The following PLEKHA6 variants were observed in gnomAD, a reference collection of about 807,000 sequenced individuals.
The protein encoded by PLEKHA6 is pleckstrin homology domain containing A6.
Under a neutral mutation model 116.7 loss-of-function variants are expected in PLEKHA6, and 60 were observed. The ratio of observed to expected loss-of-function variants is 0.51; its 90% confidence interval spans 0.42 to 0.64. The LOEUF (loss-of-function observed/expected upper bound fraction) is 0.64, where lower values mean the gene tolerates loss of function less well. Ranked by LOEUF, PLEKHA6 falls within the 30% of genes least tolerant of loss-of-function variation. PLEKHA6 has a pLI of 0.00. For synonymous variants in PLEKHA6, 489 were observed against 556.1 expected (o/e 0.88, Z 1.70); for missense variants, 1,338 against 1,422.7 (o/e 0.94, Z 0.96).
intron 17 of PLEKHA6, among the ~76,000 whole-genome samples, chr1:204,240,533 T>C (rs1662660991): frequency 6.6e-6 from 1 of 152,242 alleles, no homozygotes; most frequent in South Asian, 2.1e-4. Context: ...TCCTTTATCA[T>C]ATGACATAGG....
At position 204,247,471 on chromosome 1, in the gene PLEKHA6, A is replaced by T. The variant is rs756149330; in HGVS notation, c.1825-11T>A. ...GCTGTTTGTCAGGGCCTACGGGGGA[A>T]AGAGGCGTTCACTGAGAAAGCCGCC... is the stretch of plus-strand genomic sequence containing the variant. On this transcript the variant is annotated splice_polypyrimidine_tract_variant and intron_variant, in intron 12 of 22. Coordinates refer to ENST00000272203, the MANE Select transcript of PLEKHA6 (RefSeq NM_014935.5). 2.3e-5 allele frequency: 36 copies of T among 1,587,866 alleles called. No individual in the cohort carries two copies. The highest frequency in any genetic ancestry group is 1.8e-4 in the Admixed American group (11 of 59,912).
intron 1 of PLEKHA6, among the ~76,000 whole-genome samples, chr1:204,325,288 C>T (rs951277933): frequency 1.3e-5 from 2 of 152,102 alleles, no homozygotes; most frequent in African/African-American, 4.8e-5. Flanking sequence ...ATGTTTCCTG[C>T]AATTAAAGCA....
At chr1:204,278,756 C>T (rs537257399) in intron 1 of PLEKHA6, among the ~76,000 whole-genome samples, 2 of 152,308 alleles carry the variant, frequency 1.3e-5, no homozygotes, top group African/African-American at 4.8e-5. Flanking sequence ...TTTCAGATCA[C>T]ATCCTTTCCC....
At chr1:204,360,665 A>G (rs993180842), upstream of PLEKHA6, among the ~76,000 whole-genome samples, 21 of 151,880 alleles carry the variant, frequency 1.4e-4, no homozygotes, top group African/African-American at 4.6e-4. Flanking sequence ...TTAATTTTTT[A>G]ATCAAGTTGT....
In PLEKHA6 at chr1:204,223,361, G is replaced by A; in HGVS notation, c.*8+101C>T. The A allele has an allele frequency of 1.4e-6, 1 of 715,112 alleles. No individual in the cohort carries two copies. The highest frequency in any genetic ancestry group is 2.6e-6 in the Non-Finnish European group (1 of 385,948). The allele number at this position is 715,112 out of a possible 1,614,324, so 44.3% of individuals were successfully genotyped here. ...GAGCAGCACAGGGCACTGGGGTAGG[G>A]GAGAAGCAATACCAAAATGAGAGGG... On this transcript the variant is annotated intron_variant, in intron 22 of 22. Coordinates refer to ENST00000272203, the MANE Select transcript of PLEKHA6 (RefSeq NM_014935.5). The surrounding 1 kb of genome is among the most constrained non-coding windows in gnomAD (Gnocchi z 4.8).
Position 204,228,054 on chromosome 1 carries a change from A to AG in PLEKHA6, c.3031+28dup, listed in dbSNP as rs1660610245. 3 of 1,606,574 alleles carry AG rather than the reference A, an allele frequency of 1.9e-6. No homozygotes were observed. The highest frequency in any genetic ancestry group is 4.5e-5 in the East Asian group (2 of 44,672). ...AACCTGGTCAGCTGGTTTCCCTGGC[A>AG]GGGTGGAGCGAGGCCCAGCCCCTCT... On this transcript the variant is annotated intron_variant, in intron 21 of 22. Transcript: ENST00000272203. This position sits in a 1 kb window ranked among gnomAD's most constrained non-coding sequence, Gnocchi z 4.0.
chr1:204,231,549 T>G (rs1294128437), intron 17 of PLEKHA6, among the ~76,000 whole-genome samples: 1 of 149,712 alleles, frequency 6.7e-6, no homozygotes, highest in Non-Finnish European at 1.5e-5. Flanking sequence ...TTATCCTGTA[T>G]TGTTGGGTTT....
intron 6 of PLEKHA6, among the ~76,000 whole-genome samples, chr1:204,262,475 ATCCTC>A (rs1409414612): frequency 6.6e-6 from 1 of 152,098 alleles, no homozygotes; most frequent in Non-Finnish European, 1.5e-5. Context: ...TCCCAGTGAG[ATCCTC>A]AGTAGCCTAG....
chr1:204,290,396 T>C (rs911121915), intron 1 of PLEKHA6, among the ~76,000 whole-genome samples: 9 of 152,204 alleles, frequency 5.9e-5, no homozygotes, highest in Admixed American at 4.6e-4. Context: ...GGTCAATTGG[T>C]TTTTGACAAA....
At chr1:204,356,506 G>A (rs760459261) in intron 1 of PLEKHA6, among the ~76,000 whole-genome samples, 5 of 152,042 alleles carry the variant, frequency 3.3e-5, no homozygotes, top group Admixed American at 1.3e-4. Context: ...GGTTGAGACT[G>A]CAGTGAGCAG....
intron 1 of PLEKHA6, among the ~76,000 whole-genome samples, chr1:204,303,584 C>A (rs775052040): frequency 1.4e-4 from 21 of 152,196 alleles, no homozygotes; most frequent in Non-Finnish European, 2.5e-4. Flanking sequence ...GGCAGCTGGG[C>A]ACCTGTCTGG....
At chr1:204,279,102 A>G (rs1295923470) in intron 1 of PLEKHA6, among the ~76,000 whole-genome samples, 1 of 152,190 alleles carries the variant, frequency 6.6e-6, no homozygotes, top group Admixed American at 6.5e-5. Context: ...AATTAAGCTC[A>G]TCTGCACAGA....
chr1:204,376,213 C>G (rs1290837483), intron 1 of PLEKHA6, among the ~76,000 whole-genome samples: 1 of 152,136 alleles, frequency 6.6e-6, no homozygotes, highest in Non-Finnish European at 1.5e-5. Context: ...AGTAAGAGAT[C>G]AGGAAGAAAG....
At chr1:204,320,575 T>C in intron 1 of PLEKHA6, 1 of 705,788 alleles carries the variant, frequency 1.4e-6, no homozygotes, top group Non-Finnish European at 1.7e-6. Context: ...GGCAAAGAGA[T>C]AGGGAAACTT....
intron 1 of PLEKHA6, among the ~76,000 whole-genome samples, chr1:204,279,262 A>T (rs1284419414): frequency 1.3e-5 from 2 of 152,180 alleles, no homozygotes; most frequent in Admixed American, 6.5e-5. Flanking sequence ...CCCTGTAAAG[A>T]TAGCACAAGG....
At chr1:204,335,280 T>C (rs1672601968) in intron 1 of PLEKHA6, among the ~76,000 whole-genome samples, 2 of 152,122 alleles carry the variant, frequency 1.3e-5, no homozygotes, top group African/African-American at 4.8e-5. Context: ...GAAAGCAGAA[T>C]GGCTCAGGCA....
chr1:204,250,931 T>C (rs1312273346), intron 9 of PLEKHA6, among the ~76,000 whole-genome samples: 1 of 152,196 alleles, frequency 6.6e-6, no homozygotes, highest in Non-Finnish European at 1.5e-5. Flanking sequence ...CAGCTCCCAG[T>C]GGCTTGTTGG....
rs141091321 is a variant in PLEKHA6, at chr1:204,228,986, C to T, written c.2702G>A (p.Arg901His). ...ATGCTGGGGCTCTAGCTCCATTTTG[C>T]GAAGCCGGGCAATTTCCTCCCGGGG... ...ETPREEIARLRKMELEPQHYD... is the reference protein window; with the variant it reads ...ETPREEIARLHKMELEPQHYD... The change falls in exon 19 of 23, where the codon CGC becomes CAC. Residue 901 changes from arginine to histidine, a missense_variant. By Grantham distance (29) the Arg-to-His change is conservative. This residue lies in a region of PLEKHA6 where 1,136 missense variants were observed against 1,163.6 expected (regional missense o/e 0.98). Coordinates refer to ENST00000272203, the MANE Select transcript of PLEKHA6 (RefSeq NM_014935.5). The surrounding 1 kb of genome is among the most constrained non-coding windows in gnomAD (Gnocchi z 4.0). 3.9e-5 allele frequency: 63 copies of T among 1,614,032 alleles called. No individual in the cohort carries two copies. The highest frequency in any genetic ancestry group is 2.2e-5 in the East Asian group (1 of 44,896).
upstream of PLEKHA6, among the ~76,000 whole-genome samples, chr1:204,362,443 C>T (rs544742685): frequency 3.5e-4 from 54 of 152,284 alleles, 1 homozygote; most frequent in Admixed American, 1.3e-4. Flanking sequence ...TCCAAACACA[C>T]GGGTCCTCCC....
Sources: gnomAD v4.1 joint callset for allele counts (sites outside exome capture counted in the v4.1 genomes callset) on GRCh38, gnomAD v4.1.1 for gene constraint, gnomAD v4.1.1 regional missense constraint, Gnocchi (gnomAD v3.1) non-coding constraint, MANE v1.5 for transcripts, NCBI Gene and HGNC (gene_info 2026-07-23, HGNC 2026-07-21) for gene names.